Variants in CAPZB observed in about 807,000 individuals in gnomAD.
CAPZB encodes the protein capping actin protein of muscle Z-line subunit beta.
Under a neutral mutation model 38.1 loss-of-function variants are expected in CAPZB, and 2 were observed. That is an observed-to-expected ratio of 0.05 (90% confidence interval 0.02 to 0.17). The LOEUF (loss-of-function observed/expected upper bound fraction) is 0.17, where lower values mean the gene tolerates loss of function less well. CAPZB is among the 10% of genes least tolerant of loss of function. The pLI is 1.00. For synonymous variants in CAPZB, 107 were observed against 127.4 expected, an observed-to-expected ratio of 0.84 and a Z score of 1.08; for missense variants, 161 against 334.2, an observed-to-expected ratio of 0.48 and a Z score of 4.04.
chr1:19,458,552 C>T (rs760092573), intron 1 of CAPZB, among the ~76,000 whole-genome samples: 30 of 152,192 alleles, frequency 2.0e-4, no homozygotes, highest in Non-Finnish European at 3.5e-4. Context: ...GACGGGGTTT[C>T]GCCATGTTGG....
intron 6 of CAPZB, among the ~76,000 whole-genome samples, chr1:19,350,053 T>C (rs1260959791): frequency 6.6e-6 from 1 of 152,244 alleles, no homozygotes; most frequent in Admixed American, 6.5e-5. Context: ...AGCCGGAGCC[T>C]GGCCCGTGTG....
chr1:19,419,571 G>C, intron 2 of CAPZB, 90 bp downstream of exon 2: 1 of 746,334 alleles, frequency 1.3e-6, no homozygotes, highest in Non-Finnish European at 2.4e-6. Flanking sequence ...AAGGTTTCCT[G>C]TGTTGTGAAT....
At chr1:19,349,377 TCTC>T (rs1390661049) in intron 6 of CAPZB, among the ~76,000 whole-genome samples, 1 of 151,850 alleles carries the variant, frequency 6.6e-6, no homozygotes, top group African/African-American at 2.4e-5. Context: ...AATCAGAGTC[TCTC>T]CTCCTCCCCG....
intron 4 of CAPZB, among the ~76,000 whole-genome samples, chr1:19,359,332 A>G (rs1024432229): frequency 1.3e-5 from 2 of 151,596 alleles, no homozygotes; most frequent in Admixed American, 6.6e-5. Context: ...AGACCACCAG[A>G]CCAAGAAAGC....
At chr1:19,374,818 G>C (rs1014443629) in intron 4 of CAPZB, among the ~76,000 whole-genome samples, 1 of 152,212 alleles carries the variant, frequency 6.6e-6, no homozygotes, top group African/African-American at 2.4e-5. Context: ...CTGCCAACCT[G>C]AACAGAAGAT....
chr1:19,474,627 G>A (rs7546916), intron 1 of CAPZB, among the ~76,000 whole-genome samples: 9,769 of 152,146 alleles, frequency 0.064, 1,030 homozygotes, highest in African/African-American at 0.22. Flanking sequence ...TTGTAAGTAC[G>A]GGGCAGTTTA....
intron 1 of CAPZB, among the ~76,000 whole-genome samples, chr1:19,422,729 A>AACAACAAC (rs2094406391): frequency 1.1e-4 from 17 of 150,448 alleles, no homozygotes; most frequent in Admixed American, 2.0e-4. Flanking sequence ...TCCATCTCAA[A>AACAACAAC]AACAACAACA....
intron 1 of CAPZB, among the ~76,000 whole-genome samples, chr1:19,457,068 A>G (rs1302978291): frequency 1.3e-5 from 2 of 152,236 alleles, no homozygotes; most frequent in Non-Finnish European, 2.9e-5. Context: ...GAAGTTCCAG[A>G]AAAAAGGCAG....
intron 1 of CAPZB, among the ~76,000 whole-genome samples, chr1:19,436,929 C>A (rs559924012): frequency 1.9e-3 from 294 of 152,338 alleles, no homozygotes; most frequent in Non-Finnish European, 3.0e-3. Flanking sequence ...GTGGCTGGGA[C>A]TGCAGACACC....
intron 1 of CAPZB, among the ~76,000 whole-genome samples, chr1:19,485,179 A>G (rs564353489): frequency 7.1e-4 from 108 of 152,216 alleles, no homozygotes; most frequent in African/African-American, 2.5e-3. Context: ...ACCAGCCTGA[A>G]CACAGAGGTA....
At chr1:19,479,149 G>A (rs929735297) in intron 1 of CAPZB, among the ~76,000 whole-genome samples, 1 of 152,226 alleles carries the variant, frequency 6.6e-6, no homozygotes, top group African/African-American at 2.4e-5. Flanking sequence ...GACGGAGGTT[G>A]CAGGGAGTCG....
intron 2 of CAPZB, among the ~76,000 whole-genome samples, chr1:19,386,883 G>A (rs898292186): frequency 2.6e-5 from 4 of 152,226 alleles, no homozygotes; most frequent in Non-Finnish European, 4.4e-5. Context: ...CAACCCCTGT[G>A]TACAATGTGC....
At chr1:19,416,273 C>G (rs900417068) in intron 2 of CAPZB, among the ~76,000 whole-genome samples, 1 of 152,202 alleles carries the variant, frequency 6.6e-6, no homozygotes, top group African/African-American at 2.4e-5. Context: ...ACAGGCAAAA[C>G]TGACACAGCA....
intron 1 of CAPZB, among the ~76,000 whole-genome samples, chr1:19,438,084 C>T (rs1465344761): frequency 6.6e-6 from 1 of 152,156 alleles, no homozygotes; most frequent in African/African-American, 2.4e-5. Context: ...CCACTACCTC[C>T]TACGTCAGGG....
chr1:19,471,678 C>A (rs1022526750), intron 1 of CAPZB, among the ~76,000 whole-genome samples: 2 of 152,070 alleles, frequency 1.3e-5, no homozygotes, highest in African/African-American at 4.8e-5. Flanking sequence ...TCCTGGCTAA[C>A]ACGGTGAAAC....
At chr1:19,467,742 C>T (rs532849418) in intron 1 of CAPZB, among the ~76,000 whole-genome samples, 3 of 152,212 alleles carry the variant, frequency 2.0e-5, no homozygotes, top group Non-Finnish European at 2.9e-5. Context: ...AGAGGGCCCC[C>T]GAAAGCCTCC....
intron 2 of CAPZB, among the ~76,000 whole-genome samples, chr1:19,414,268 C>T (rs369845872): frequency 8.5e-4 from 129 of 152,292 alleles, no homozygotes; most frequent in Non-Finnish European, 1.5e-3. Flanking sequence ...GCATGGCTAC[C>T]GCTGAGGCTG....
chr1:19,479,045 C>A (rs1026818547), intron 1 of CAPZB, among the ~76,000 whole-genome samples: 2 of 152,070 alleles, frequency 1.3e-5, no homozygotes, highest in African/African-American at 4.8e-5. Flanking sequence ...CCTGTCTCTA[C>A]TAAAAATACA....
chr1:19,460,083 G>A (rs542769078), intron 1 of CAPZB, among the ~76,000 whole-genome samples: 1 of 152,276 alleles, frequency 6.6e-6, no homozygotes, highest in African/African-American at 2.4e-5. Flanking sequence ...AAAAAAAACT[G>A]TATGCTGAGG....
Sources: gnomAD v4.1 joint callset for allele counts (sites outside exome capture counted in the v4.1 genomes callset) on GRCh38, gnomAD v4.1.1 for gene constraint, MANE v1.5 for transcripts, NCBI Gene and HGNC (gene_info 2026-07-23, HGNC 2026-07-21) for gene names.